Variants in SOBP observed in about 807,000 individuals in gnomAD.
The protein encoded by SOBP is sine oculis binding protein homolog.
Under a neutral mutation model 53.6 loss-of-function variants are expected in SOBP, and 4 were observed. The observed-to-expected ratio is 0.07, with a 90% confidence interval of 0.04 to 0.17. The LOEUF (loss-of-function observed/expected upper bound fraction) is 0.17, where lower values mean the gene tolerates loss of function less well. SOBP is among the 10% of genes least tolerant of loss of function. The pLI, the probability that SOBP is intolerant of heterozygous loss-of-function variation, is 1.00. For missense variants in SOBP, 1,088 were observed against 1,204.7 expected (o/e 0.90, Z 1.43); for synonymous variants, 584 against 522.6 (o/e 1.12, Z -1.60).
At chr6:107,519,834 CCTCA>C (rs1783427715) in intron 3 of SOBP, among the ~76,000 whole-genome samples, 3 of 152,054 alleles carry the variant, frequency 2.0e-5, no homozygotes. Context: ...TTCTCTTGTC[CCTCA>C]CTCCTACTTT....
chr6:107,570,731 C>T (rs1293878624), intron 4 of SOBP, among the ~76,000 whole-genome samples: 2 of 152,324 alleles, frequency 1.3e-5, no homozygotes, highest in East Asian at 3.9e-4. Context: ...ACAGGGTATG[C>T]CTGGCAGAGA....
At chr6:107,499,692 T>C (rs910499548) in intron 1 of SOBP, among the ~76,000 whole-genome samples, 2 of 152,202 alleles carry the variant, frequency 1.3e-5, no homozygotes, top group Non-Finnish European at 2.9e-5. Context: ...CTTATATAAG[T>C]AGAAGTTCTT....
chr6:107,526,632 T>C (rs1349938109), intron 3 of SOBP, among the ~76,000 whole-genome samples: 1 of 152,218 alleles, frequency 6.6e-6, no homozygotes, highest in East Asian at 1.9e-4. Flanking sequence ...CCTCAGGTCC[T>C]ATCCAGCTCA....
chr6:107,633,395 C>G (rs1431935704), intron 5 of SOBP, 119 bp from the exon 6 acceptor site: 2 of 1,245,516 alleles, frequency 1.6e-6, no homozygotes, highest in Non-Finnish European at 2.4e-6. Flanking sequence ...GGAAACAGTT[C>G]TGCCTGTTTG....
At chr6:107,498,857 G>A (rs1332609217) in intron 1 of SOBP, among the ~76,000 whole-genome samples, 1 of 152,130 alleles carries the variant, frequency 6.6e-6, no homozygotes, top group Non-Finnish European at 1.5e-5. Context: ...AACACTAGAG[G>A]TGAGAGAGGA....
At position 107,660,323 on chromosome 6, in the gene SOBP, A is replaced by G. The variant is rs939381515; in HGVS notation, c.*2120A>G. Among the ~76,000 whole-genome samples, 4 of 152,306 alleles carry G rather than the reference A, an allele frequency of 2.6e-5. No individual in the cohort carries two copies. Among genetic ancestry groups the G allele is most frequent in the African/African-American group, 9.6e-5 (4 of 41,564 alleles). ...TGGCACTGTCTCTTCCTGACCTGCT[A>G]GACCACGCTTGTCTGCAGACAAGAG... On this transcript the variant is annotated 3_prime_UTR_variant, in exon 7 of 7. Coordinates refer to ENST00000317357, the MANE Select transcript of SOBP (RefSeq NM_018013.4).
intron 4 of SOBP, among the ~76,000 whole-genome samples, chr6:107,547,585 G>T (rs1349876579): frequency 2.0e-5 from 3 of 152,168 alleles, no homozygotes; most frequent in Non-Finnish European, 4.4e-5. Flanking sequence ...AAGGTATATT[G>T]TTGAGGACAA....
intron 4 of SOBP, among the ~76,000 whole-genome samples, chr6:107,553,677 A>C (rs980797141): frequency 6.6e-6 from 1 of 152,014 alleles, no homozygotes; most frequent in South Asian, 2.1e-4. Context: ...TAGTAGAGAC[A>C]GGGTTTCACC....
At chr6:107,553,679 G>T (rs926274207) in intron 4 of SOBP, among the ~76,000 whole-genome samples, 5 of 152,172 alleles carry the variant, frequency 3.3e-5, no homozygotes, top group Middle Eastern at 3.4e-3. Flanking sequence ...GTAGAGACAG[G>T]GTTTCACCAT....
At chr6:107,530,164 G>T (rs1783776835) in intron 3 of SOBP, among the ~76,000 whole-genome samples, 1 of 152,086 alleles carries the variant, frequency 6.6e-6, no homozygotes, top group South Asian at 2.1e-4. Flanking sequence ...TAGCCAAAAT[G>T]TAAGACAGGT....
chr6:107,540,563 T>G (rs1339283136), intron 4 of SOBP, among the ~76,000 whole-genome samples: 1 of 152,212 alleles, frequency 6.6e-6, no homozygotes, highest in Non-Finnish European at 1.5e-5. Flanking sequence ...TATTGCATTC[T>G]CTGTAAACAC....
chr6:107,540,693 C>T (rs1171622650), intron 4 of SOBP, among the ~76,000 whole-genome samples: 1 of 152,200 alleles, frequency 6.6e-6, no homozygotes, highest in Admixed American at 6.5e-5. Flanking sequence ...TTAAATGAAA[C>T]TCCTGTAGTC....
intron 4 of SOBP, among the ~76,000 whole-genome samples, chr6:107,570,490 C>A (rs1162905060): frequency 6.6e-6 from 1 of 152,180 alleles, no homozygotes; most frequent in East Asian, 1.9e-4. Flanking sequence ...ATTTTTGATT[C>A]AAAAGTTGTC....
chr6:107,568,473 G>A (rs1784978247), intron 4 of SOBP, among the ~76,000 whole-genome samples: 1 of 152,194 alleles, frequency 6.6e-6, no homozygotes, highest in Non-Finnish European at 1.5e-5. Flanking sequence ...AAACTTTTGT[G>A]AGAGTATATG....
intron 5 of SOBP, among the ~76,000 whole-genome samples, chr6:107,601,011 A>C (rs1422419852): frequency 6.6e-6 from 1 of 152,256 alleles, no homozygotes; most frequent in Admixed American, 6.5e-5. Flanking sequence ...GCCTTTGAAT[A>C]GACACTCAAG....
intron 4 of SOBP, among the ~76,000 whole-genome samples, chr6:107,556,836 C>T (rs544654176): frequency 1.2e-4 from 19 of 152,282 alleles, no homozygotes; most frequent in African/African-American, 4.6e-4. Flanking sequence ...CAGATGTGTC[C>T]ATCTGGCAGT....
chr6:107,525,116 G>A (rs1258660375), intron 3 of SOBP, among the ~76,000 whole-genome samples: 1 of 152,144 alleles, frequency 6.6e-6, no homozygotes, highest in Non-Finnish European at 1.5e-5. Context: ...CGTGCTTTTG[G>A]AAGTGTTGCA....
intron 4 of SOBP, among the ~76,000 whole-genome samples, chr6:107,554,743 T>G (rs1784558972): frequency 6.6e-6 from 1 of 152,154 alleles, no homozygotes; most frequent in African/African-American, 2.4e-5. Flanking sequence ...CCCACTTCTG[T>G]TCTGGAAAAA....
chr6:107,647,978 C>T (rs532123801), intron 6 of SOBP, among the ~76,000 whole-genome samples: 1 of 152,300 alleles, frequency 6.6e-6, no homozygotes, highest in Admixed American at 6.5e-5. Context: ...ATAGCTCTTA[C>T]ATTTTGCAAT....
Sources: allele counts gnomAD v4.1 joint callset (sites outside exome capture counted in the v4.1 genomes callset), GRCh38; gene constraint gnomAD v4.1.1; transcripts MANE v1.5; gene names NCBI Gene and HGNC (gene_info 2026-07-23, HGNC 2026-07-21).